MET: variants seen among roughly 807,000 people sequenced by gnomAD.
MET encodes the protein MET proto-oncogene, receptor tyrosine kinase, also known as hepatocyte growth factor receptor.
MET carries 48 observed loss-of-function variants against 133.1 expected under a neutral mutation model. The observed-to-expected ratio is 0.36, with a 90% CI of 0.29 to 0.46. The LOEUF (loss-of-function observed/expected upper bound fraction) is 0.46. MET is among the 20% of genes least tolerant of loss of function. The pLI is 1.00. For missense variants in MET, 1,442 were observed against 1,695.9 expected, an observed-to-expected ratio of 0.85 and a Z score of 2.63; for synonymous variants, 628 against 616.5, an observed-to-expected ratio of 1.02 and a Z score of -0.28.
At position 116,700,255 on chromosome 7, in the gene MET, G is replaced by C. The variant is rs587778443; in HGVS notation, c.1171G>C (p.Gly391Arg). The C allele has an allele frequency of 6.2e-7, 1 of 1,603,180 alleles. No homozygotes were observed. The highest frequency in any genetic ancestry group is 8.5e-7 in the Non-Finnish European group (1 of 1,177,836). ...TGTGAGATGTCTCCAGCATTTTTACGGACCCAATCATGAGCACTGCTTTAA... is the reference window on the plus strand; with the variant it reads ...TGTGAGATGTCTCCAGCATTTTTACCGACCCAATCATGAGCACTGCTTTAA... ...NNVRCLQHFY[G>R]PNHEHCFNRT... Residue 391 changes from glycine to arginine, a missense_variant, in exon 2 of 21, where the codon GGA becomes CGA. By Grantham distance (125) the Gly-to-Arg change is moderately radical. Around this residue, in one of 6 missense-constraint regions of MET, gnomAD observed 762 missense variants for 792.4 expected, o/e 0.96. Transcript: ENST00000397752.
At chr7:116,769,503 A>T in intron 11 of MET, 142 bp from the exon 12 acceptor site, 3 of 1,025,620 alleles carry the variant, frequency 2.9e-6, no homozygotes, top group Non-Finnish European at 4.3e-6. Context: ...CCCAATTCCC[A>T]TGAAAATTAG....
intron 1 of MET, among the ~76,000 whole-genome samples, chr7:116,693,859 T>C (rs1362061922): frequency 2.0e-5 from 3 of 152,232 alleles, no homozygotes; most frequent in African/African-American, 7.2e-5. Flanking sequence ...TGACCTGCTA[T>C]GTGCCAGGCA....
intron 5 of MET, among the ~76,000 whole-genome samples, chr7:116,750,822 G>T (rs1219692925): frequency 6.6e-6 from 1 of 152,190 alleles, no homozygotes; most frequent in Non-Finnish European, 1.5e-5. Context: ...ATGAAAAAAA[G>T]CTCATCATCA....
At chr7:116,706,004 C>A (rs752299863) in intron 2 of MET, among the ~76,000 whole-genome samples, 7 of 151,984 alleles carry the variant, frequency 4.6e-5, no homozygotes, top group Non-Finnish European at 1.0e-4. Flanking sequence ...TTGCTGACTG[C>A]TCTTTAAACC....
At chr7:116,742,441 C>G (rs1161702517) in intron 5 of MET, among the ~76,000 whole-genome samples, 1 of 152,198 alleles carries the variant, frequency 6.6e-6, no homozygotes, top group Non-Finnish European at 1.5e-5. Flanking sequence ...ATTTGAGACA[C>G]TAGGAATCTG....
intron 2 of MET, among the ~76,000 whole-genome samples, chr7:116,722,170 T>C (rs1490692146): frequency 2.6e-5 from 4 of 152,140 alleles, no homozygotes; most frequent in Non-Finnish European, 5.9e-5. Flanking sequence ...TGGGTACTCC[T>C]GTATTGGGTG....
chr7:116,788,496 A>G (rs925273640), intron 19 of MET, among the ~76,000 whole-genome samples: 1 of 152,180 alleles, frequency 6.6e-6, no homozygotes, highest in Non-Finnish European at 1.5e-5. Flanking sequence ...ACACACACAG[A>G]CAGCACAGAG....
At chr7:116,673,803 C>T (rs1012295473) in intron 1 of MET, among the ~76,000 whole-genome samples, 2 of 152,178 alleles carry the variant, frequency 1.3e-5, no homozygotes, top group Non-Finnish European at 2.9e-5. Context: ...ACATAGCTTT[C>T]CTTCCTTGAT....
intron 2 of MET, among the ~76,000 whole-genome samples, chr7:116,708,690 C>T (rs889399285): frequency 6.6e-6 from 1 of 152,120 alleles, no homozygotes; most frequent in Non-Finnish European, 1.5e-5. Flanking sequence ...CTTTCCTGGC[C>T]TGTCACCTTA....
At chr7:116,779,015 C>T (rs1795076363) in intron 17 of MET, 58 bp downstream of exon 17, 2 of 1,546,136 alleles carry the variant, frequency 1.3e-6, no homozygotes, top group Non-Finnish European at 1.8e-6. Flanking sequence ...GCCATCCCTT[C>T]AAAATAGGCC....
At chr7:116,769,452 C>T (rs1214595204) in intron 11 of MET, among the ~76,000 whole-genome samples, 193 bp from the exon 12 acceptor site, 2 of 152,144 alleles carry the variant, frequency 1.3e-5, no homozygotes, top group Non-Finnish European at 2.9e-5. Context: ...TAATTCCTAA[C>T]TAACACATGC....
chr7:116,759,607 C>A (rs1794318272), intron 10 of MET, 117 bp downstream of exon 10: 1 of 1,157,626 alleles, frequency 8.6e-7, no homozygotes, highest in African/African-American at 1.5e-5. Flanking sequence ...AGTTAATTTC[C>A]TTGCAGTGTA....
intron 1 of MET, among the ~76,000 whole-genome samples, chr7:116,692,597 A>C (rs1298963318): frequency 6.6e-6 from 1 of 152,244 alleles, no homozygotes; most frequent in African/African-American, 2.4e-5. Context: ...AGAGGTGGGC[A>C]GATGGTGGAC....
In MET at chr7:116,763,103, G is replaced by T. The variant is rs2116954628; in HGVS notation, c.2418G>T (p.Leu806=). 1 of 1,614,016 alleles carries T rather than the reference G, an allele frequency of 6.2e-7. No individual in the cohort carries two copies. The highest frequency in any genetic ancestry group is 8.5e-7 in the Non-Finnish European group (1 of 1,179,968). Reference sequence around the variant, plus strand: ...TAATCTGTTGTACCACTCCTTCCCTGCAACAGCTGAATCTGCAACTCCCCC... The same window carrying T: ...TAATCTGTTGTACCACTCCTTCCCTTCAACAGCTGAATCTGCAACTCCCCC... ...SEIICCTTPS[L]QQLNLQLPLK... Residue 806 remains leucine (L), a synonymous_variant, in exon 11 of 21, where the codon CTG becomes CTT. Transcript: ENST00000397752.
chr7:116,783,172 G>A, intron 18 of MET, 132 bp from the exon 19 acceptor site: 2 of 1,010,860 alleles, frequency 2.0e-6, no homozygotes, highest in Admixed American at 2.0e-5. Context: ...GTCAATAGAG[G>A]CCAGATGAAA....
chr7:116,751,565 CTTTTCAAGGTACATGA>C (rs1793921140), intron 5 of MET, among the ~76,000 whole-genome samples: 1 of 152,270 alleles, frequency 6.6e-6, no homozygotes, highest in Admixed American at 6.5e-5. Flanking sequence ...AGTTAACCTG[CTTTTCAAGGTACATGA>C]TGTTCAGTGG....
chr7:116,696,183 T>C (rs1437596213), intron 1 of MET, among the ~76,000 whole-genome samples: 1 of 152,138 alleles, frequency 6.6e-6, no homozygotes, highest in African/African-American at 2.4e-5. Flanking sequence ...ATTTTCATTC[T>C]TTATCCTCCT....
chr7:116,711,028 T>C (rs1791973886), intron 2 of MET, among the ~76,000 whole-genome samples: 1 of 152,208 alleles, frequency 6.6e-6, no homozygotes, highest in African/African-American at 2.4e-5. Flanking sequence ...AGTCACATTT[T>C]CTATTTTCAC....
At chr7:116,673,062 G>A (rs1254992922) in intron 1 of MET, among the ~76,000 whole-genome samples, 1 of 152,148 alleles carries the variant, frequency 6.6e-6, no homozygotes, top group Non-Finnish European at 1.5e-5. Flanking sequence ...CGGGGCTTGT[G>A]ATCCATCAAT....
Sources: gnomAD v4.1 joint callset for allele counts (sites outside exome capture counted in the v4.1 genomes callset) on GRCh38, gnomAD v4.1.1 for gene constraint, gnomAD v4.1.1 regional missense constraint, MANE v1.5 for transcripts, NCBI Gene and HGNC (gene_info 2026-07-23, HGNC 2026-07-21) for gene names.